WDR64: variants seen among roughly 807,000 people sequenced by gnomAD.
WDR64 encodes the protein WD repeat-containing protein 64.
A neutral mutation model predicts 139.3 loss-of-function variants in WDR64; 112 were observed. The observed-to-expected ratio is 0.80, with a 90% CI of 0.69 to 0.94. The LOEUF (loss-of-function observed/expected upper bound fraction) is 0.94. Ranked by LOEUF, WDR64 falls within the 40% of genes least tolerant of loss-of-function variation. WDR64 has a pLI of 0.00. For missense variants in WDR64, 1,206 were observed against 1,293.1 expected, an observed-to-expected ratio of 0.93 and a Z score of 1.03; for synonymous variants, 444 against 437.7, an observed-to-expected ratio of 1.01 and a Z score of -0.18.
At chr1:241,763,242 A>G (rs1392694411) in intron 15 of WDR64, among the ~76,000 whole-genome samples, 1 of 152,240 alleles carries the variant, frequency 6.6e-6, no homozygotes, top group Non-Finnish European at 1.5e-5. Context: ...CTTAAAAAAA[A>G]AAGAAAAACT....
intron 8 of WDR64, among the ~76,000 whole-genome samples, chr1:241,704,673 A>G (rs1574025130): frequency 1.3e-5 from 2 of 152,218 alleles, no homozygotes; most frequent in East Asian, 3.8e-4. Flanking sequence ...TAAGAAACTG[A>G]AATTTTTAAA....
intron 21 of WDR64, among the ~76,000 whole-genome samples, chr1:241,778,714 T>C (rs1056657682): frequency 7.9e-5 from 12 of 152,152 alleles, no homozygotes; most frequent in Non-Finnish European, 1.8e-4. Context: ...CTAGAGTTAA[T>C]AATATATATT....
intron 9 of WDR64, among the ~76,000 whole-genome samples, chr1:241,718,572 A>T (rs1668487271): frequency 6.6e-6 from 1 of 152,152 alleles, no homozygotes; most frequent in Admixed American, 6.6e-5. Flanking sequence ...TCTTGCTGTT[A>T]ATAAGGGCAG....
At position 241,783,268 on chromosome 1, in the gene WDR64, C is replaced by T. The variant is rs774994096; in HGVS notation, c.2596-4C>T. 4 of 1,611,658 alleles carry T rather than the reference C, an allele frequency of 2.5e-6. No individual in the cohort carries two copies. In the South Asian group the frequency reaches 3.3e-5, roughly 13 times the overall value. On this transcript the variant is annotated splice_polypyrimidine_tract_variant and splice_region_variant and intron_variant, in intron 22 of 27. Transcript: ENST00000437684. Reference sequence around the variant, plus strand: ...GAGGAATATGCCTTGTTTTTGCTATCTAGAAATTCAAGCAGCTGCTTTCCT... The same window carrying T: ...GAGGAATATGCCTTGTTTTTGCTATTTAGAAATTCAAGCAGCTGCTTTCCT...
At position 241,703,441 on chromosome 1, in the gene WDR64, T is replaced by C. The variant is rs533318048; in HGVS notation, c.975-8361T>C. 3.5e-4 allele frequency among the ~76,000 whole-genome samples: 53 copies of C among 150,788 alleles called. 1 individual carries two copies. The South Asian group carries it at 8.4e-3, about 24-fold the overall frequency. ...TGGTAATTCAGCCAGGGACTTTTGATAGGGGACTCTATCAAAAAGTTTTTT... is the reference window on the plus strand; with the variant it reads ...TGGTAATTCAGCCAGGGACTTTTGACAGGGGACTCTATCAAAAAGTTTTTT... On this transcript the variant is annotated intron_variant, in intron 8 of 27. Coordinates refer to ENST00000437684, the MANE Select transcript of WDR64 (RefSeq NM_001367482.1). This position sits in a 1 kb window ranked among gnomAD's most constrained non-coding sequence, Gnocchi z 5.9.
intron 9 of WDR64, among the ~76,000 whole-genome samples, chr1:241,712,412 G>A (rs528252851): frequency 6.6e-6 from 1 of 152,316 alleles, no homozygotes; most frequent in East Asian, 1.9e-4. Flanking sequence ...AAGGTTATCT[G>A]CTAAGAGGAA....
Position 241,749,672 on chromosome 1 carries a change from C to A in WDR64, c.1720C>A (p.Gln574Lys), listed in dbSNP as rs528700081. ...LIFLKAQEKH[Q>K]QLVLALERNG... ...TTTCCTCAAAGCCCAAGAAAAACAC[C>A]AGCAGCTGGTCCTGGCCTTGGAGCG... Residue 574 changes from glutamine to lysine, a missense_variant, in exon 14 of 28, where the codon CAG becomes AAG. Transcript: ENST00000437684. 1.2e-6 allele frequency: 2 copies of A among 1,614,122 alleles called. No homozygotes were observed. Among genetic ancestry groups the A allele is most frequent in the East Asian group, 4.5e-5 (2 of 44,882 alleles).
chr1:241,785,049 C>A (rs186701934), intron 23 of WDR64, among the ~76,000 whole-genome samples: 265 of 146,532 alleles, frequency 1.8e-3, no homozygotes, highest in African/African-American at 6.1e-3. Flanking sequence ...ATGTTTTTAA[C>A]AACTCAGTCC....
At chr1:241,675,062 T>TCCTCCTTCCTTCCTCCCTC (rs1666450545) in intron 4 of WDR64, among the ~76,000 whole-genome samples, 3 of 14,408 alleles carry the variant, frequency 2.1e-4, no homozygotes, top group Non-Finnish European at 2.8e-4. Context: ...TTTTCTCCCT[T>TCCTCCTTCCTTCCTCCCTC]CCTCCTTCCT....
At chr1:241,774,708 G>A (rs1366640112) in intron 20 of WDR64, among the ~76,000 whole-genome samples, 2 of 151,942 alleles carry the variant, frequency 1.3e-5, no homozygotes, top group African/African-American at 4.8e-5. Flanking sequence ...TGAAAAAAAT[G>A]TTTGTTTAAA....
At chr1:241,679,126 G>A (rs1034125291) in intron 5 of WDR64, among the ~76,000 whole-genome samples, 2 of 152,120 alleles carry the variant, frequency 1.3e-5, no homozygotes, top group Non-Finnish European at 1.5e-5. Context: ...GACAGGGCTC[G>A]AGAGCTCGCT....
At chr1:241,661,406 A>C (rs976160194) in intron 2 of WDR64, among the ~76,000 whole-genome samples, 4 of 152,078 alleles carry the variant, frequency 2.6e-5, no homozygotes, top group African/African-American at 9.6e-5. Context: ...CAAATCCCCC[A>C]CATCACCCAA....
At chr1:241,783,997 A>C (rs1176934518) in intron 23 of WDR64, among the ~76,000 whole-genome samples, 1 of 152,254 alleles carries the variant, frequency 6.6e-6, no homozygotes, top group African/African-American at 2.4e-5. Flanking sequence ...GTTAGGTAAG[A>C]TTAAGAGAGG....
intron 6 of WDR64, among the ~76,000 whole-genome samples, chr1:241,679,853 A>G (rs919297108): frequency 6.6e-6 from 1 of 152,002 alleles, no homozygotes; most frequent in African/African-American, 2.4e-5. Context: ...CTTCTTTTAT[A>G]CCCTTCTCTG....
intron 13 of WDR64, among the ~76,000 whole-genome samples, chr1:241,747,257 A>G (rs1005081494): frequency 1.3e-5 from 2 of 152,194 alleles, no homozygotes; most frequent in Non-Finnish European, 2.9e-5. Flanking sequence ...ATACGGTAAA[A>G]TTGTGAAGAA....
chr1:241,735,963 C>T (rs1176461864), intron 10 of WDR64, among the ~76,000 whole-genome samples: 3 of 151,842 alleles, frequency 2.0e-5, no homozygotes, highest in African/African-American at 4.8e-5. Context: ...AAATAGTTCT[C>T]GTCCCTGAGC....
intron 21 of WDR64, among the ~76,000 whole-genome samples, chr1:241,776,546 G>A (rs1177216379): frequency 6.6e-6 from 1 of 151,892 alleles, no homozygotes; most frequent in Non-Finnish European, 1.5e-5. Flanking sequence ...GGTTTTGTTT[G>A]TTTTTTGCTT....
intron 3 of WDR64, 45 bp from the exon 4 acceptor site, chr1:241,674,599 C>A: frequency 2.3e-6 from 3 of 1,286,912 alleles, no homozygotes; most frequent in Non-Finnish European, 3.2e-6. Context: ...TGAGTTTCAG[C>A]ACCTTTACTG....
intron 8 of WDR64, among the ~76,000 whole-genome samples, chr1:241,692,298 C>A (rs1402756691): frequency 1.3e-5 from 2 of 152,124 alleles, no homozygotes; most frequent in African/African-American, 4.8e-5. Context: ...TTGACAAGTT[C>A]ATTTTAACAT....
Sources: gnomAD v4.1 joint callset for allele counts (sites outside exome capture counted in the v4.1 genomes callset) on GRCh38, gnomAD v4.1.1 for gene constraint, Gnocchi (gnomAD v3.1) non-coding constraint, MANE v1.5 for transcripts, NCBI Gene and HGNC (gene_info 2026-07-23, HGNC 2026-07-21) for gene names.